Variants in ANKRD24 observed in about 807,000 individuals in gnomAD.
The protein encoded by ANKRD24 is ankyrin repeat domain-containing protein 24.
In ANKRD24, 109 loss-of-function variants were observed where a neutral mutation model predicts 127.8. That is an observed-to-expected ratio of 0.85 (90% CI 0.73 to 1.00). ANKRD24 has a LOEUF of 1.00. Among genes scored for constraint, ANKRD24 ranks in the 50% least tolerant of loss-of-function variants. The pLI, the probability that ANKRD24 is intolerant of heterozygous loss-of-function variation, is 0.00. For missense variants in ANKRD24, 1,648 were observed against 1,570.2 expected (o/e 1.05, Z -0.84); for synonymous variants, 743 against 671.1 (o/e 1.11, Z -1.66).
At chr19:4,214,768 C>T (rs1043308797) in intron 15 of ANKRD24, among the ~76,000 whole-genome samples, 3 of 152,108 alleles carry the variant, frequency 2.0e-5, no homozygotes, top group African/African-American at 7.2e-5. Context: ...GCAGGAGAAT[C>T]GCTTGAACTC....
At position 4,199,802 on chromosome 19, in the gene ANKRD24, G is replaced by A; in HGVS notation, c.123+33G>A. 9 of 1,512,434 alleles carry A rather than the reference G, an allele frequency of 6.0e-6. No homozygotes were observed. The highest frequency in any genetic ancestry group is 8.0e-6 in the Non-Finnish European group (9 of 1,129,538). The allele number at this position is 1,512,434 out of a possible 1,614,324, so 93.7% of individuals were successfully genotyped here. On this transcript the variant is annotated intron_variant, in intron 3 of 21. Transcript: ENST00000318934. The surrounding 1 kb of genome is among the most constrained non-coding windows in gnomAD (Gnocchi z 5.2). ...CCCAGGGGCAGGTGGTGAGAGCCCGGAGCCCCTGTCGGGGGCGTGGGGAGG... is the reference window on the plus strand; with the variant it reads ...CCCAGGGGCAGGTGGTGAGAGCCCGAAGCCCCTGTCGGGGGCGTGGGGAGG...
chr19:4,187,950 A>G (rs940793672), intron 2 of ANKRD24, among the ~76,000 whole-genome samples: 8 of 152,240 alleles, frequency 5.3e-5, no homozygotes, highest in Admixed American at 1.3e-4. Flanking sequence ...ATGCACAGGC[A>G]TAACAGGCAG....
rs372008226 is a variant in ANKRD24, at chr19:4,216,899, A to C, written c.1739A>C (p.Glu580Ala). 33 of 1,610,116 alleles carry C rather than the reference A, an allele frequency of 2.0e-5. No individual in the cohort carries two copies. In the African/African-American group the frequency reaches 3.3e-4, roughly 16 times the overall value. Residue 580 changes from glutamate to alanine, a missense_variant, in exon 18 of 22, where the codon GAG becomes GCG. Transcript: ENST00000318934. ...ATGGAAGCCAGGACTATGGAAGCTG[A>C]GGCCACGGGAGCCGAGGCCACGGGA... ...ETMEARTMEA[E>A]ATGAEATGAE...
At chr19:4,186,213 A>G in intron 1 of ANKRD24, 177 bp from the exon 2 acceptor site, 1 of 1,378,610 alleles carries the variant, frequency 7.3e-7, no homozygotes, top group Non-Finnish European at 9.5e-7. Flanking sequence ...AGAGAGGGCA[A>G]GTAAACTGCC....
intron 7 of ANKRD24, among the ~76,000 whole-genome samples, chr19:4,204,048 C>T (rs1385289341): frequency 3.4e-5 from 5 of 146,962 alleles, no homozygotes. Flanking sequence ...ACTGCAAGCT[C>T]CGCCTCCCGG....
chr19:4,213,218 TCTC>T (rs1006139114), intron 15 of ANKRD24, among the ~76,000 whole-genome samples: 19 of 149,234 alleles, frequency 1.3e-4, no homozygotes, highest in African/African-American at 4.5e-4. Flanking sequence ...TTCTTCCCCT[TCTC>T]CTTCCTTCCT....
intron 7 of ANKRD24, 196 bp from the exon 8 acceptor site, chr19:4,207,046 G>T (rs1436470969): frequency 1.7e-6 from 1 of 595,608 alleles, no homozygotes; most frequent in Non-Finnish European, 3.0e-6. Flanking sequence ...CTAGTAGCTG[G>T]GGCCACAGAC....
At chr19:4,220,220 G>C (rs1209721036) in intron 19 of ANKRD24, among the ~76,000 whole-genome samples, 1 of 152,170 alleles carries the variant, frequency 6.6e-6, no homozygotes, top group Non-Finnish European at 1.5e-5. Context: ...TGATCCGCCT[G>C]CCTCAGCCCC....
rs374166540 is a variant in ANKRD24 at position 4,207,260 on chromosome 19, C to G, written c.485C>G (p.Ser162Cys). ...LHHAAAGGCL[S>C]CSEVLCSFKA... ...TTTGCAGCGGCTGGTGGCTGTCTCT[C>G]CTGCTCAGAGGTGCTCTGCTCCTTT... The change falls in exon 8 of 22, where the codon TCC becomes TGC. Residue 162 changes from serine (S) to cysteine (C), a missense_variant. Coordinates refer to ENST00000318934, the MANE Select transcript of ANKRD24 (RefSeq NM_001393985.1). 2 of 1,613,688 alleles carry G rather than the reference C, an allele frequency of 1.2e-6. No individual in the cohort carries two copies. The highest frequency in any genetic ancestry group is 2.7e-5 in the African/African-American group (2 of 74,844).
chr19:4,192,068 C>A (rs1287770423), intron 2 of ANKRD24, among the ~76,000 whole-genome samples: 3 of 151,924 alleles, frequency 2.0e-5, no homozygotes, highest in Non-Finnish European at 4.4e-5. Context: ...GGATTACAGG[C>A]GAGAGCCACT....
In ANKRD24 at chr19:4,192,657, G is replaced by A. The variant is rs141151279; in HGVS notation, c.36+6196G>A. Among the ~76,000 whole-genome samples, 465 of 151,038 alleles carry A rather than the reference G, an allele frequency of 3.1e-3. 5 individuals are homozygous for A. The highest frequency in any genetic ancestry group is 0.014 in the Middle Eastern group (4 of 292). On this transcript the variant is annotated intron_variant, in intron 2 of 21. Transcript: ENST00000318934. ...GAGATCAAGAGGAAACAAGCTGGGC[G>A]CAGTGGCTCACGCCTGTAATCCCAG... is the stretch of plus-strand genomic sequence containing the variant.
chr19:4,216,503 G>A, intron 17 of ANKRD24, 47 bp from the exon 18 acceptor site: 1 of 1,566,712 alleles, frequency 6.4e-7, no homozygotes, highest in Non-Finnish European at 8.7e-7. Context: ...TGTCCCCACG[G>A]TCACATCAAC....
At chr19:4,196,827 T>C (rs1968771745) in intron 2 of ANKRD24, among the ~76,000 whole-genome samples, 1 of 152,080 alleles carries the variant, frequency 6.6e-6, no homozygotes, top group Non-Finnish European at 1.5e-5. Flanking sequence ...ATCTGATGCA[T>C]GTTTGTGGAG....
rs1346307625 is a variant in ANKRD24 at position 4,184,943 on chromosome 19, GACTGGTGGGTGGGTGGATGGATGC to G, written c.-36-1430_-36-1407del. Among the ~76,000 whole-genome samples the G allele has an allele frequency of 1.2e-3, 170 of 146,028 alleles. 2 individuals are homozygous for G. In the East Asian group the frequency reaches 0.024, roughly 21 times the overall value. On this transcript the variant is annotated intron_variant, in intron 1 of 21. Coordinates refer to ENST00000318934, the MANE Select transcript of ANKRD24 (RefSeq NM_001393985.1). ...GGATGGATGGAAGGATCCATGGATG[GACTGGTGGGTGGGTGGATGGATGC>G]ACTGGTGGGTGGGTGGGTGGATGGA...
rs554702962 is a variant in ANKRD24 at position 4,209,844 on chromosome 19, G to A, written c.871-214G>A. On this transcript the variant is annotated intron_variant, in intron 11 of 21. Coordinates refer to ENST00000318934, the MANE Select transcript of ANKRD24 (RefSeq NM_001393985.1). Reference sequence around the variant, plus strand: ...GGGGAAAGAACTGAGAGACAGAGAGGAGCAGAGAGTAAAGAGTAAGATCTG... The same window carrying A: ...GGGGAAAGAACTGAGAGACAGAGAGAAGCAGAGAGTAAAGAGTAAGATCTG... Among the ~76,000 whole-genome samples, 3 of 152,340 alleles carry A rather than the reference G, an allele frequency of 2.0e-5. No homozygotes were observed. The South Asian group carries it at 6.2e-4, about 32-fold the overall frequency.
rs1970349789 is a variant in ANKRD24, at chr19:4,219,813, G to A, written c.3171+55G>A. 3.3e-6 allele frequency: 5 copies of A among 1,515,010 alleles called. No individual in the cohort carries two copies. The African/African-American group carries it at 4.2e-5, about 13-fold the overall frequency. The allele number at this position is 1,515,010 out of a possible 1,614,324, so 93.8% of individuals were successfully genotyped here. On this transcript the variant is annotated intron_variant, in intron 19 of 21. Transcript: ENST00000318934. ...GGGAGGCATCCACTCAGCAAAGGTT[G>A]GGGCCAATCTACGAAGGTCCTCACT... is the stretch of plus-strand genomic sequence containing the variant.
intron 7 of ANKRD24, among the ~76,000 whole-genome samples, chr19:4,204,564 A>G (rs1969279794): frequency 6.6e-6 from 1 of 152,040 alleles, no homozygotes; most frequent in Non-Finnish European, 1.5e-5. Context: ...GTACCCTCAT[A>G]ATCACCTAAT....
At chr19:4,183,082 G>T (rs1444811317) in intron 1 of ANKRD24, among the ~76,000 whole-genome samples, 1 of 151,716 alleles carries the variant, frequency 6.6e-6, no homozygotes, top group Non-Finnish European at 1.5e-5. Context: ...GGGTTCAAGC[G>T]ATTCTCCTGC....
At position 4,207,328 on chromosome 19, in the gene ANKRD24, C is replaced by G. The variant is rs1015717970; in HGVS notation, c.537+16C>G. ...CCAAGATCGGGTAAGCTTCTGGGATCTCTTCAGGGAAGATGTTATGCTTGA... is the reference window on the plus strand; with the variant it reads ...CCAAGATCGGGTAAGCTTCTGGGATGTCTTCAGGGAAGATGTTATGCTTGA... On this transcript the variant is annotated intron_variant, in intron 8 of 21. Transcript: ENST00000318934. 9 of 1,611,828 alleles carry G rather than the reference C, an allele frequency of 5.6e-6. No individual in the cohort carries two copies. Among genetic ancestry groups the G allele is most frequent in the Non-Finnish European group, 7.6e-6 (9 of 1,177,972 alleles).
Sources: gnomAD v4.1 joint callset for allele counts (sites outside exome capture counted in the v4.1 genomes callset) on GRCh38, gnomAD v4.1.1 for gene constraint, Gnocchi (gnomAD v3.1) non-coding constraint, MANE v1.5 for transcripts, NCBI Gene and HGNC (gene_info 2026-07-23, HGNC 2026-07-21) for gene names.